Variants in ALDH3B1 observed in about 807,000 individuals in gnomAD.
The protein encoded by ALDH3B1 is aldehyde dehydrogenase 3 family member B1.
A neutral mutation model predicts 46.2 loss-of-function variants in ALDH3B1; 37 were observed. The observed-to-expected ratio is 0.80, with a 90% CI of 0.62 to 1.05. The LOEUF (loss-of-function observed/expected upper bound fraction) is 1.05, where lower values mean the gene tolerates loss of function less well. Among genes scored for constraint, ALDH3B1 ranks in the 50% least tolerant of loss-of-function variants. The pLI is 0.00. For missense variants in ALDH3B1, 603 were observed against 665.5 expected (o/e 0.91, Z 1.03); for synonymous variants, 283 against 281.0 (o/e 1.01, Z -0.07).
chr11:68,027,158 C>T (rs1168490370), intron 9 of ALDH3B1, among the ~76,000 whole-genome samples: 2 of 152,148 alleles, frequency 1.3e-5, no homozygotes, highest in African/African-American at 4.8e-5. Context: ...ACCTCTAAGG[C>T]TCCCCAAGCC....
rs1857500427 is a variant in ALDH3B1, at chr11:68,021,684, T to C, written c.762T>C (p.Pro254=). The change falls in exon 7 of 10, where the codon CCT becomes CCC. Residue 254 remains proline, a synonymous_variant. Transcript: ENST00000342456. ...CCCCCGACTACGTCCTATGCAGCCC[T>C]GAGATGCAGGAGAGGCTGCTGCCTG... is the stretch of plus-strand genomic sequence containing the variant. ...CVAPDYVLCS[P]EMQERLLPAL... is the part of the protein sequence containing the mutation. 1.2e-6 allele frequency: 2 copies of C among 1,613,804 alleles called. No homozygotes were observed. The highest frequency in any genetic ancestry group is 2.2e-5 in the South Asian group (2 of 91,076).
chr11:68,022,903 G>A (rs994972095), intron 8 of ALDH3B1, 142 bp downstream of exon 8: 13 of 1,294,328 alleles, frequency 1.0e-5, no homozygotes, highest in Non-Finnish European at 1.4e-5. Flanking sequence ...CCACTCTCCT[G>A]GAAGCAGCTG....
rs780339479 is a variant in ALDH3B1 at position 68,021,871 on chromosome 11, G to A, written c.949G>A (p.Ala317Thr). ...GQSDESDRYI[A>T]PTVLVDVQEM... ...GAGCGATGAGAGCGATCGCTACATC[G>A]GTGAGTCCTGCTGCCCCTACCACAG... Residue 317 changes from alanine to threonine, a missense_variant and splice_region_variant, in exon 7 of 10, where the codon GCC (alanine) becomes ACC (threonine). Transcript: ENST00000342456. 9.4e-6 allele frequency: 15 copies of A among 1,595,474 alleles called. No individual in the cohort carries two copies. The highest frequency in any genetic ancestry group is 6.7e-5 in the African/African-American group (5 of 74,730).
At chr11:68,015,010 G>A in intron 1 of ALDH3B1, 1 of 352,202 alleles carries the variant, frequency 2.8e-6, no homozygotes, top group Non-Finnish European at 5.1e-6. Context: ...CTGTCCCCAA[G>A]CCCACACCCA....
intron 1 of ALDH3B1, among the ~76,000 whole-genome samples, chr11:68,012,992 C>T (rs1857265362): frequency 6.6e-6 from 1 of 152,156 alleles, no homozygotes; most frequent in African/African-American, 2.4e-5. Flanking sequence ...GATCACACTC[C>T]TTACAACCTC....
chr11:68,026,599 G>A (rs531053198), intron 9 of ALDH3B1, among the ~76,000 whole-genome samples: 15 of 151,816 alleles, frequency 9.9e-5, no homozygotes, highest in African/African-American at 2.9e-4. Context: ...GAGCAGCCCC[G>A]ATGCCACTGC....
chr11:68,019,213 CGAG>C lies in ALDH3B1; in HGVS notation c.439_441del (p.Glu147del). On this transcript the variant is annotated inframe_deletion, in exon 5 of 10. Coordinates refer to ENST00000342456, the MANE Select transcript of ALDH3B1 (RefSeq NM_000694.4). ...AGCCATCGGAGATTAGCAAGAACGTCGAGAAGATCCTGGCCGAGGTGCTGCCCC... is the reference window on the plus strand; with the variant it reads ...AGCCATCGGAGATTAGCAAGAACGTCAAGATCCTGGCCGAGGTGCTGCCCC... 6.2e-7 allele frequency: 1 copy of C among 1,613,486 alleles called. No individual in the cohort carries two copies.
intron 1 of ALDH3B1, among the ~76,000 whole-genome samples, chr11:68,014,436 G>A (rs1213194854): frequency 1.3e-5 from 2 of 152,242 alleles, no homozygotes; most frequent in African/African-American, 2.4e-5. Flanking sequence ...GCACCAGGCC[G>A]AGGAACGAGT....
Position 68,010,634 on chromosome 11 carries a change from C to T in ALDH3B1, c.-2+242C>T, listed in dbSNP as rs2134376380. Among the ~76,000 whole-genome samples the T allele has an allele frequency of 2.0e-5, 3 of 152,314 alleles. No individual in the cohort carries two copies. In the Middle Eastern group the frequency reaches 0.01, roughly 518 times the overall value. ...ACCCCCCTGGCCAGCAGGCACCCTT[C>T]CGTTGTCCGAGCTGGGTTGCCACCG... On this transcript the variant is annotated intron_variant, in intron 1 of 9. Transcript: ENST00000342456.
chr11:68,011,375 T>G (rs1209048770), intron 1 of ALDH3B1, among the ~76,000 whole-genome samples: 1 of 152,174 alleles, frequency 6.6e-6, no homozygotes, highest in African/African-American at 2.4e-5. Context: ...CCGGCTCAGG[T>G]GGACTGGAAT....
At chr11:68,011,548 C>T (rs753399416) in intron 1 of ALDH3B1, among the ~76,000 whole-genome samples, 1 of 152,214 alleles carries the variant, frequency 6.6e-6, no homozygotes, top group African/African-American at 2.4e-5. Context: ...AGCCTCTCAT[C>T]ATGTTTGTTT....
upstream of ALDH3B1, among the ~76,000 whole-genome samples, chr11:68,009,150 C>T (rs529684354): frequency 5.9e-5 from 9 of 152,340 alleles, no homozygotes; most frequent in South Asian, 6.2e-4. Flanking sequence ...GCCACACACA[C>T]GCCCCATGTT....
intron 5 of ALDH3B1, 53 bp downstream of exon 5, chr11:68,019,308 G>C (rs1857432283): frequency 2.6e-6 from 4 of 1,531,866 alleles, no homozygotes; most frequent in Non-Finnish European, 3.6e-6. Context: ...CTCAAGGGCT[G>C]GGCAGCCCCT....
chr11:68,028,026 G>T lies in ALDH3B1; in HGVS notation c.*87G>T. 1 of 1,538,058 alleles carries T rather than the reference G, an allele frequency of 6.5e-7. No homozygotes were observed. Among genetic ancestry groups the T allele is most frequent in the South Asian group, 1.1e-5 (1 of 88,258 alleles). Reference sequence around the variant, plus strand: ...CGGGGCCTGGGCTCCCGGGCCCGAGGAGGAAAAGGATTGCCAAGGCTCCAG... The same window carrying T: ...CGGGGCCTGGGCTCCCGGGCCCGAGTAGGAAAAGGATTGCCAAGGCTCCAG... On this transcript the variant is annotated 3_prime_UTR_variant, in exon 10 of 10. Coordinates refer to ENST00000342456, the MANE Select transcript of ALDH3B1 (RefSeq NM_000694.4).
chr11:68,013,311 G>A (rs929628503), intron 1 of ALDH3B1, among the ~76,000 whole-genome samples: 2 of 152,164 alleles, frequency 1.3e-5, no homozygotes, highest in Non-Finnish European at 2.9e-5. Context: ...TGCTAGGAGG[G>A]TTGCTGGAAT....
chr11:68,026,412 G>A (rs575837757), intron 9 of ALDH3B1, among the ~76,000 whole-genome samples: 53 of 152,284 alleles, frequency 3.5e-4, no homozygotes, highest in African/African-American at 1.2e-3. Context: ...TGCCCACTGC[G>A]ATGCTATTTG....
chr11:68,018,487 G>GGGAATC (rs1857402882), intron 2 of ALDH3B1, 40 bp from the exon 3 acceptor site: 8 of 1,496,270 alleles, frequency 5.3e-6, no homozygotes, highest in Non-Finnish European at 7.3e-6. Flanking sequence ...TGCCAACTCT[G>GGGAATC]GGAATCCTGG....
upstream of ALDH3B1, among the ~76,000 whole-genome samples, chr11:68,009,950 CATA>C (rs1857195976): frequency 6.6e-6 from 1 of 152,100 alleles, no homozygotes. Flanking sequence ...TAACATTCCA[CATA>C]ATATTATAAT....
Position 68,019,244 on chromosome 11 carries a change from T to C in ALDH3B1, c.469T>C (p.Tyr157His), listed in dbSNP as rs770452486. 2 of 1,612,944 alleles carry C rather than the reference T, an allele frequency of 1.2e-6. No homozygotes were observed. The highest frequency in any genetic ancestry group is 2.2e-5 in the East Asian group (1 of 44,864). ...EKILAEVLPQ[Y>H]VDQSCFAVVL... ...GATCCTGGCCGAGGTGCTGCCCCAA[T>C]ACGTGGACCAGGTGAGCAGGGCTGC... Residue 157 changes from tyrosine to histidine, a missense_variant, in exon 5 of 10, where the codon TAC becomes CAC. Physicochemically the swap from Tyr to His is moderately conservative, Grantham distance 83. Transcript: ENST00000342456.
Sources: gnomAD v4.1 joint callset for allele counts (sites outside exome capture counted in the v4.1 genomes callset) on GRCh38, gnomAD v4.1.1 for gene constraint, MANE v1.5 for transcripts, NCBI Gene and HGNC (gene_info 2026-07-23, HGNC 2026-07-21) for gene names.